PON2: variants seen among roughly 807,000 people sequenced by gnomAD.
PON2 encodes serum paraoxonase/arylesterase 2.
PON2 carries 27 observed loss-of-function variants against 36.6 expected under a neutral mutation model. The ratio of observed to expected loss-of-function variants is 0.74; its 90% CI spans 0.54 to 1.02. The LOEUF is 1.02. Among genes scored for constraint, PON2 ranks in the 50% least tolerant of loss-of-function variants. The probability of loss-of-function intolerance (pLI) is 0.00; values close to 1 mark genes in which losing one functional copy is unlikely to be tolerated. For missense variants in PON2, 363 were observed against 421.1 expected (o/e 0.86, Z 1.21); for synonymous variants, 149 against 156.3 (o/e 0.95, Z 0.35).
At chr7:95,420,271 G>T (rs1246889457) in intron 2 of PON2, among the ~76,000 whole-genome samples, 1 of 152,122 alleles carries the variant, frequency 6.6e-6, no homozygotes, top group East Asian at 1.9e-4. Context: ...GGTCTTGACT[G>T]CCAAGTGCAT....
rs372504109 is a variant in PON2 at position 95,407,869 on chromosome 7, AAG to A, written c.696-803_696-802del. On this transcript the variant is annotated intron_variant, in intron 6 of 8. Transcript: ENST00000222572. ...AAGGGGCATCTGCAGTGGCTGTGTA[AAG>A]AGAGATGAGATTTGAGATGAGGACG... Among the ~76,000 whole-genome samples the A allele has an allele frequency of 2.3e-3, 343 of 152,266 alleles. 2 individuals are homozygous for A. Among genetic ancestry groups the A allele is most frequent in the Non-Finnish European group, 4.0e-3 (275 of 68,028 alleles).
At position 95,411,680 on chromosome 7, in the gene PON2, T is replaced by A; in HGVS notation, c.467A>T (p.Lys156Ile). Residue 156 changes from lysine to isoleucine, a missense_variant, in exon 5 of 9, where the codon AAA (lysine) becomes ATA (isoleucine). Physicochemically the swap from Lys to Ile is moderately radical, Grantham distance 102. Transcript: ENST00000222572. Reference sequence around the variant, plus strand: ...TGGAAGAAGCTCATGTTTGACTGTTTTCAGATGCAACAGAGAATTTTCTGC... The same window carrying A: ...TGGAAGAAGCTCATGTTTGACTGTTATCAGATGCAACAGAGAATTTTCTGC... ...EEAENSLLHL[K>I]TVKHELLPSV... 6.2e-7 allele frequency: 1 copy of A among 1,613,968 alleles called. No homozygotes were observed. Among genetic ancestry groups the A allele is most frequent in the Non-Finnish European group, 8.5e-7 (1 of 1,179,920 alleles).
chr7:95,405,589 G>T, intron 8 of PON2, 101 bp from the exon 9 acceptor site: 1 of 1,164,290 alleles, frequency 8.6e-7, no homozygotes, highest in Non-Finnish European at 1.3e-6. Context: ...TGATTAAGGG[G>T]ACATGCTGTT....
At chr7:95,408,870 G>C (rs1354774396) in intron 6 of PON2, among the ~76,000 whole-genome samples, 1 of 139,704 alleles carries the variant, frequency 7.2e-6, no homozygotes, top group African/African-American at 2.6e-5. Context: ...ACATTTAAAA[G>C]AATCACACTG....
chr7:95,405,130 T>G lies in PON2; in HGVS notation c.*200A>C. ...GCAGCTTTCTTTTCTGTCCCTTGCT[T>G]GGCATTTTAAAGAACCTGTTCATTT... On this transcript the variant is annotated 3_prime_UTR_variant, in exon 9 of 9. Transcript: ENST00000222572. The G allele has an allele frequency of 1.8e-6, 1 of 564,326 alleles. No individual in the cohort carries two copies. Among genetic ancestry groups the G allele is most frequent in the Non-Finnish European group, 3.1e-6 (1 of 320,942 alleles). The allele number at this position is 564,326 out of a possible 1,614,324, so 35.0% of individuals were successfully genotyped here. A position where few individuals can be genotyped will look rare whatever the true frequency, so the allele number is the denominator to read the frequency against.
rs1002672228 is a variant in PON2 at position 95,419,685 on chromosome 7, A to G, written c.146-3388T>C. Among the ~76,000 whole-genome samples the G allele has an allele frequency of 7.7e-4, 117 of 152,188 alleles. 1 individual carries two copies. Among genetic ancestry groups the G allele is most frequent in the African/African-American group, 2.7e-3 (114 of 41,522 alleles). ...AATAGGATGTGAGAATACAATATAT[A>G]TGCAACTACTGGGTAGAAAAAAAAA... On this transcript the variant is annotated intron_variant, in intron 2 of 8. Coordinates refer to ENST00000222572, the MANE Select transcript of PON2 (RefSeq NM_000305.3).
At chr7:95,423,095 G>A (rs1220139781) in intron 2 of PON2, among the ~76,000 whole-genome samples, 1 of 152,056 alleles carries the variant, frequency 6.6e-6, no homozygotes. Context: ...AGACCAAGCT[G>A]GGAGGATTGC....
chr7:95,432,628 A>C (rs968470776), intron 1 of PON2, among the ~76,000 whole-genome samples: 3 of 152,206 alleles, frequency 2.0e-5, no homozygotes, highest in African/African-American at 7.2e-5. Context: ...TGACAACATA[A>C]TAAGCTTGTG....
rs915861519 is a variant in PON2 at position 95,416,517 on chromosome 7, T to A, written c.146-220A>T. Reference sequence around the variant, plus strand: ...GTTAGATATTTTATGTTTACTCAAATCAAAGTCAAGTTATCACCACATTTC... The same window carrying A: ...GTTAGATATTTTATGTTTACTCAAAACAAAGTCAAGTTATCACCACATTTC... On this transcript the variant is annotated intron_variant, in intron 2 of 8. Coordinates refer to ENST00000222572, the MANE Select transcript of PON2 (RefSeq NM_000305.3). 4 of 581,520 alleles carry A rather than the reference T, an allele frequency of 6.9e-6. No homozygotes were observed. The African/African-American group carries it at 7.5e-5, about 11-fold the overall frequency. 36.0% of individuals were successfully genotyped at this position (581,520 alleles called of 1,614,324 possible). A position where few individuals can be genotyped will look rare whatever the true frequency, so the allele number is the denominator to read the frequency against.
At chr7:95,406,328 T>G in intron 7 of PON2, 81 bp from the exon 8 acceptor site, 1 of 1,420,580 alleles carries the variant, frequency 7.0e-7, no homozygotes, top group Non-Finnish European at 9.9e-7. Flanking sequence ...CCTGCCTCTA[T>G]GCATGTGAGG....
At chr7:95,414,961 A>G (rs1277972407) in intron 3 of PON2, among the ~76,000 whole-genome samples, 1 of 152,232 alleles carries the variant, frequency 6.6e-6, no homozygotes, top group Non-Finnish European at 1.5e-5. Context: ...CATAAAAACC[A>G]TCAGGAACCT....
intron 8 of PON2, 90 bp from the exon 9 acceptor site, chr7:95,405,578 CTGAT>C: frequency 3.2e-6 from 4 of 1,249,880 alleles, no homozygotes; most frequent in Non-Finnish European, 4.7e-6. Flanking sequence ...CAATGACACA[CTGAT>C]TAAGGGGACA....
chr7:95,417,842 C>T (rs866838695), intron 2 of PON2, among the ~76,000 whole-genome samples: 3 of 83,106 alleles, frequency 3.6e-5, no homozygotes, highest in Non-Finnish European at 7.2e-5. Flanking sequence ...CAAGTATACA[C>T]GTGGAAAAAG....
At chr7:95,425,927 A>G (rs918392192) in intron 1 of PON2, among the ~76,000 whole-genome samples, 25 of 152,176 alleles carry the variant, frequency 1.6e-4, no homozygotes, top group African/African-American at 6.0e-4. Context: ...ATTTTTAAAT[A>G]AGGCATTAAA....
At position 95,406,241 on chromosome 7, in the gene PON2, C is replaced by T; in HGVS notation, c.784G>A (p.Glu262Lys). 1.2e-6 allele frequency: 2 copies of T among 1,610,524 alleles called. No homozygotes were observed. The highest frequency in any genetic ancestry group is 1.7e-6 in the Non-Finnish European group (2 of 1,176,888). The change falls in exon 8 of 9, where the codon GAG (glutamate) becomes AAG (lysine). Residue 262 changes from glutamate to lysine, a missense_variant. Glu to Lys is a moderately conservative substitution (Grantham distance 56). Coordinates refer to ENST00000222572, the MANE Select transcript of PON2 (RefSeq NM_000305.3). ...NMNLTQLKVLELDTLVDNLSI... is the reference protein window; with the variant it reads ...NMNLTQLKVLKLDTLVDNLSI... ...AAATTATCCACCAGTGTATCCAGCT[C>T]AAGTACCTTCCAAATGAGAAATTGT...
rs951889658 is a variant in PON2, at chr7:95,429,182, C to T, written c.75-4597G>A. ...ATATCTCCTAATGCTATCCCTCCCC[C>T]CTCCCCCTACCCCACAAGAGGCCCC... On this transcript the variant is annotated intron_variant, in intron 1 of 8. Transcript: ENST00000222572. Among the ~76,000 whole-genome samples the T allele has an allele frequency of 3.3e-5, 5 of 150,568 alleles. No homozygotes were observed. The East Asian group carries it at 9.9e-4, about 30-fold the overall frequency.
At chr7:95,408,293 A>G (rs1008636466) in intron 6 of PON2, among the ~76,000 whole-genome samples, 1 of 152,234 alleles carries the variant, frequency 6.6e-6, no homozygotes, top group Non-Finnish European at 1.5e-5. Context: ...CCAAGTAGAC[A>G]GAAAACAAAT....
chr7:95,409,087 CG>C (rs1809790160), intron 6 of PON2, among the ~76,000 whole-genome samples: 1 of 151,918 alleles, frequency 6.6e-6, no homozygotes, highest in Admixed American at 6.6e-5. Flanking sequence ...CTGAGGTGGG[CG>C]GATCACCTGA....
chr7:95,409,509 TA>T (rs1333261361), intron 6 of PON2: 1 of 153,334 alleles, frequency 6.5e-6, no homozygotes. Flanking sequence ...GTATAGCCAA[TA>T]AAAATAATAC....
Sources: gnomAD v4.1 joint callset for allele counts (sites outside exome capture counted in the v4.1 genomes callset) on GRCh38, gnomAD v4.1.1 for gene constraint, MANE v1.5 for transcripts, NCBI Gene and HGNC (gene_info 2026-07-23, HGNC 2026-07-21) for gene names.